Variants in NPR3 observed in about 807,000 individuals in gnomAD.
NPR3 encodes the protein atrial natriuretic peptide receptor 3.
In NPR3, 34 loss-of-function variants were observed where a neutral mutation model predicts 54.5. The ratio of observed to expected loss-of-function variants is 0.62; its 90% CI spans 0.47 to 0.83. The LOEUF (loss-of-function observed/expected upper bound fraction) is 0.83. NPR3 is among the 40% of genes least tolerant of loss of function. The pLI is 0.00. For missense variants in NPR3, 674 were observed against 720.8 expected (o/e 0.94, Z 0.74); for synonymous variants, 289 against 297.1 (o/e 0.97, Z 0.28).
chr5:32,711,534 T>A lies in NPR3; in HGVS notation c.-243T>A. Reference sequence around the variant, plus strand: ...ATATGTATATTACAGACGCACAGGTTTACACCCGGTGAACTTTTTCTTTTT... The same window carrying A: ...ATATGTATATTACAGACGCACAGGTATACACCCGGTGAACTTTTTCTTTTT... On this transcript the variant is annotated 5_prime_UTR_variant, in exon 1 of 8. Coordinates refer to ENST00000265074, the MANE Select transcript of NPR3 (RefSeq NM_001204375.2). 1 of 1,200,520 alleles carries A rather than the reference T, an allele frequency of 8.3e-7. No homozygotes were observed. The highest frequency in any genetic ancestry group is 1.0e-6 in the Non-Finnish European group (1 of 971,600). 74.4% of individuals were successfully genotyped at this position (1,200,520 alleles called of 1,614,324 possible).
chr5:32,760,742 T>C lies in NPR3; in HGVS notation c.1060-13966T>C, dbSNP rs149596734. ...TTTTTGGTATCATCTTTAATAAAAA[T>C]CTGCCAACCCTAAAGTCACAAAGAT... is the stretch of plus-strand genomic sequence containing the variant. On this transcript the variant is annotated intron_variant, in intron 3 of 7. Transcript: ENST00000265074. 4.4e-3 allele frequency among the ~76,000 whole-genome samples: 664 copies of C among 151,698 alleles called. 4 individuals carry two copies. The highest frequency in any genetic ancestry group is 6.7e-3 in the Non-Finnish European group (458 of 67,880).
chr5:32,784,712 G>T, intron 6 of NPR3, 84 bp from the exon 7 acceptor site: 1 of 1,067,640 alleles, frequency 9.4e-7, no homozygotes, highest in Non-Finnish European at 1.4e-6. Flanking sequence ...GGGAAATCGA[G>T]GAACTTCTTG....
At chr5:32,758,085 A>G (rs1280659318) in intron 3 of NPR3, among the ~76,000 whole-genome samples, 1 of 152,142 alleles carries the variant, frequency 6.6e-6, no homozygotes, top group African/African-American at 2.4e-5. Context: ...TGCTTCTGCC[A>G]GGCTTTGGTA....
In NPR3 at chr5:32,725,366, A is replaced by T. The variant is rs563190456; in HGVS notation, c.892+546A>T. The stretch of plus-strand genomic sequence containing the variant: ...GCAATTTTGGAAATTTGTGACTCTG[A>T]ACACTCCTACAGCTTCTCAAAAATT... On this transcript the variant is annotated intron_variant, in intron 2 of 7. Transcript: ENST00000265074. Among the ~76,000 whole-genome samples the T allele has an allele frequency of 2.0e-5, 3 of 152,338 alleles. No homozygotes were observed. The East Asian group carries it at 5.8e-4, about 29-fold the overall frequency.
intron 1 of NPR3, among the ~76,000 whole-genome samples, chr5:32,720,637 C>A (rs1038135748): frequency 2.0e-5 from 3 of 152,140 alleles, no homozygotes; most frequent in African/African-American, 7.2e-5. Flanking sequence ...TACAGTTACA[C>A]CATCATTCCC....
At chr5:32,771,049 G>A (rs1331852850) in intron 3 of NPR3, among the ~76,000 whole-genome samples, 1 of 151,792 alleles carries the variant, frequency 6.6e-6, no homozygotes, top group Non-Finnish European at 1.5e-5. Context: ...CTTCATACAT[G>A]GTTTTTTTTT....
chr5:32,710,510 C>A, upstream of NPR3: 1 of 828,778 alleles, frequency 1.2e-6, no homozygotes, highest in Non-Finnish European at 1.7e-6. Flanking sequence ...TCTCAGTGCG[C>A]TGACAGAGGG....
chr5:32,703,963 T>C (rs968882307), intron 1 of NPR3, among the ~76,000 whole-genome samples: 1 of 152,226 alleles, frequency 6.6e-6, no homozygotes, highest in South Asian at 2.1e-4. Flanking sequence ...CTAGACTGTC[T>C]TTCAAGTTTA....
intron 3 of NPR3, among the ~76,000 whole-genome samples, chr5:32,768,318 C>G (rs144032606): frequency 1.3e-5 from 2 of 152,268 alleles, no homozygotes; most frequent in Non-Finnish European, 2.9e-5. Context: ...GTGCATTTCT[C>G]AACTAAGCCT....
chr5:32,738,813 C>G, intron 2 of NPR3, 51 bp from the exon 3 acceptor site: 2 of 1,546,266 alleles, frequency 1.3e-6, no homozygotes, highest in Non-Finnish European at 1.8e-6. Flanking sequence ...GGAGAATGGC[C>G]TCTTTATGGT....
intron 1 of NPR3, among the ~76,000 whole-genome samples, chr5:32,691,296 C>A (rs1740382896): frequency 6.6e-6 from 1 of 152,214 alleles, no homozygotes; most frequent in African/African-American, 2.4e-5. Context: ...TAAGCGAGTA[C>A]TTGTTTTTGG....
intron 4 of NPR3, among the ~76,000 whole-genome samples, chr5:32,780,093 T>C (rs1742260662): frequency 6.6e-6 from 1 of 152,214 alleles, no homozygotes; most frequent in Non-Finnish European, 1.5e-5. Context: ...GCAGAGAATG[T>C]GTTCAATTTA....
At chr5:32,738,829 G>T (rs1471256523) in intron 2 of NPR3, 35 bp from the exon 3 acceptor site, 5 of 1,596,566 alleles carry the variant, frequency 3.1e-6, no homozygotes, top group South Asian at 1.1e-5. Context: ...ATGGTGGCTG[G>T]CTTGGAATTA....
At chr5:32,718,346 C>T (rs1316159177) in intron 1 of NPR3, among the ~76,000 whole-genome samples, 1 of 152,072 alleles carries the variant, frequency 6.6e-6, no homozygotes, top group African/African-American at 2.4e-5. Context: ...TCCATATGAA[C>T]TTTAAAGTAG....
At chr5:32,705,088 A>G (rs913698914), upstream of NPR3, among the ~76,000 whole-genome samples, 5 of 152,264 alleles carry the variant, frequency 3.3e-5, no homozygotes, top group Admixed American at 3.3e-4. Context: ...ATCAGAGCAA[A>G]ATGAATTCTG....
chr5:32,722,091 C>A (rs1353405462), intron 1 of NPR3, among the ~76,000 whole-genome samples: 3 of 152,034 alleles, frequency 2.0e-5, no homozygotes, highest in Non-Finnish European at 4.4e-5. Flanking sequence ...GGGGACACAA[C>A]CAAACCATAG....
At chr5:32,783,757 G>A in intron 6 of NPR3, 1 of 152,200 alleles carries the variant, frequency 6.6e-6, no homozygotes, top group East Asian at 1.9e-4. Flanking sequence ...GCCTGTATTT[G>A]ACATCCCACT....
rs561922370 is a variant in NPR3 at position 32,785,343 on chromosome 5, G to A, written c.1514+460G>A. Among the ~76,000 whole-genome samples, 6 of 151,954 alleles carry A rather than the reference G, an allele frequency of 3.9e-5. No individual in the cohort carries two copies. In the South Asian group the frequency reaches 1.0e-3, roughly 26 times the overall value. On this transcript the variant is annotated intron_variant, in intron 7 of 7. Coordinates refer to ENST00000265074, the MANE Select transcript of NPR3 (RefSeq NM_001204375.2). Reference sequence around the variant, plus strand: ...TTTTTGTATGTTTATTAGAGATGGGGTTTCACCATGTTGGCCAGGTTGGTC... The same window carrying A: ...TTTTTGTATGTTTATTAGAGATGGGATTTCACCATGTTGGCCAGGTTGGTC...
intron 3 of NPR3, among the ~76,000 whole-genome samples, chr5:32,752,471 G>A (rs1024883135): frequency 1.3e-5 from 2 of 152,108 alleles, no homozygotes; most frequent in Admixed American, 6.5e-5. Context: ...TGTATTTGCC[G>A]CCCTTCCAGC....
Sources: gnomAD v4.1 joint callset for allele counts (sites outside exome capture counted in the v4.1 genomes callset) on GRCh38, gnomAD v4.1.1 for gene constraint, MANE v1.5 for transcripts, NCBI Gene and HGNC (gene_info 2026-07-23, HGNC 2026-07-21) for gene names.